The following DNM3 variants were observed in gnomAD, a reference collection of about 807,000 sequenced individuals.
DNM3 encodes the protein dynamin 3, also known as dynamin-3.
In DNM3, 47 loss-of-function variants were observed where a neutral mutation model predicts 101.6. That is an observed-to-expected ratio of 0.46 (90% CI 0.37 to 0.59). The LOEUF (loss-of-function observed/expected upper bound fraction) is 0.59, where lower values mean the gene tolerates loss of function less well. DNM3 is among the 20% of genes least tolerant of loss of function. DNM3 has a pLI of 0.00. For missense variants in DNM3, 849 were observed against 1,085.7 expected, an observed-to-expected ratio of 0.78 and a Z score of 3.06; for synonymous variants, 385 against 387.9, an observed-to-expected ratio of 0.99 and a Z score of 0.09.
chr1:172,374,929 C>A (rs1406910148), intron 17 of DNM3, among the ~76,000 whole-genome samples: 1 of 152,016 alleles, frequency 6.6e-6, no homozygotes, highest in Non-Finnish European at 1.5e-5. Flanking sequence ...TCCCTTAATA[C>A]CCTGATTCTA....
intron 17 of DNM3, among the ~76,000 whole-genome samples, chr1:172,325,245 G>C (rs2148919204): frequency 6.6e-6 from 1 of 152,206 alleles, no homozygotes; most frequent in African/African-American, 2.4e-5. Flanking sequence ...GGCTCTTCAG[G>C]GTCTCCAGCT....
intron 14 of DNM3, among the ~76,000 whole-genome samples, chr1:172,201,850 A>G (rs895090140): frequency 6.6e-6 from 1 of 152,126 alleles, no homozygotes; most frequent in African/African-American, 2.4e-5. Context: ...ATGGGAACGG[A>G]CACCCATGTA....
intron 15 of DNM3, among the ~76,000 whole-genome samples, chr1:172,265,040 T>G (rs1268599215): frequency 6.6e-6 from 1 of 152,202 alleles, no homozygotes; most frequent in Non-Finnish European, 1.5e-5. Flanking sequence ...TGGAATGCTT[T>G]TAGTCTCATT....
chr1:172,274,560 G>C (rs1269285119), intron 15 of DNM3, among the ~76,000 whole-genome samples: 1 of 151,916 alleles, frequency 6.6e-6, no homozygotes, highest in Non-Finnish European at 1.5e-5. Flanking sequence ...GATCTGAGAA[G>C]TGATGAAAGC....
intron 17 of DNM3, among the ~76,000 whole-genome samples, chr1:172,349,914 A>G (rs2067119541): frequency 6.6e-6 from 1 of 152,182 alleles, no homozygotes. Context: ...GGTTAAAAAC[A>G]TAGAAGCACC....
intron 4 of DNM3, among the ~76,000 whole-genome samples, chr1:172,024,430 G>A (rs1348113942): frequency 6.6e-6 from 1 of 152,154 alleles, no homozygotes; most frequent in Non-Finnish European, 1.5e-5. Flanking sequence ...TTATAAGGAG[G>A]TTATATAATG....
chr1:172,251,775 A>G (rs2062179841), intron 14 of DNM3, among the ~76,000 whole-genome samples: 1 of 152,140 alleles, frequency 6.6e-6, no homozygotes, highest in Non-Finnish European at 1.5e-5. Context: ...AAGGTTGAAT[A>G]GGATGGTAGT....
chr1:172,040,603 C>G (rs2049306026), intron 7 of DNM3, among the ~76,000 whole-genome samples: 1 of 151,792 alleles, frequency 6.6e-6, no homozygotes, highest in Non-Finnish European at 1.5e-5. Flanking sequence ...GTAAAGAAAA[C>G]ACACATTCCT....
At chr1:172,343,289 G>A (rs907786593) in intron 17 of DNM3, among the ~76,000 whole-genome samples, 20 of 151,282 alleles carry the variant, frequency 1.3e-4, no homozygotes, top group African/African-American at 2.9e-4. Context: ...TTTTTCTTGC[G>A]ATGTTCTTAG....
chr1:172,374,370 G>A (rs1171322523), intron 17 of DNM3, among the ~76,000 whole-genome samples: 1 of 152,068 alleles, frequency 6.6e-6, no homozygotes, highest in South Asian at 2.1e-4. Flanking sequence ...GGATGTAGGT[G>A]ACAGCTTTAT....
chr1:172,173,743 T>A (rs999387536), intron 14 of DNM3, among the ~76,000 whole-genome samples: 2 of 151,778 alleles, frequency 1.3e-5, no homozygotes, highest in African/African-American at 4.8e-5. Flanking sequence ...AGTTTAGGGT[T>A]AATAGTTGAG....
At chr1:172,370,191 A>G (rs902886381) in intron 17 of DNM3, 1 of 151,874 alleles carries the variant, frequency 6.6e-6, no homozygotes, top group Non-Finnish European at 1.5e-5. Flanking sequence ...TATTAAGGTA[A>G]ATTTCAACAC....
intron 10 of DNM3, among the ~76,000 whole-genome samples, chr1:172,064,584 A>G (rs2051503409): frequency 1.3e-5 from 2 of 152,138 alleles, no homozygotes; most frequent in African/African-American, 2.4e-5. Flanking sequence ...TCAGAAATCA[A>G]TTGAAATGTC....
intron 15 of DNM3, among the ~76,000 whole-genome samples, chr1:172,297,294 A>G (rs1012895807): frequency 2.6e-5 from 4 of 152,008 alleles, no homozygotes; most frequent in Admixed American, 6.5e-5. Context: ...ATTTTTTGCC[A>G]TAGGGTTGCA....
At chr1:172,056,829 A>T (rs891123650) in intron 10 of DNM3, among the ~76,000 whole-genome samples, 35 of 152,254 alleles carry the variant, frequency 2.3e-4, no homozygotes, top group African/African-American at 7.2e-5. Flanking sequence ...CAGCAAAGGA[A>T]CAAAGCTGGA....
chr1:171,865,021 C>A (rs1406115082), intron 1 of DNM3, among the ~76,000 whole-genome samples: 1 of 152,052 alleles, frequency 6.6e-6, no homozygotes, highest in Non-Finnish European at 1.5e-5. Context: ...GACGGAGAGA[C>A]ATTCTTGTAA....
In DNM3 at chr1:172,308,723, T is replaced by C; in HGVS notation, c.1770-5T>C. ...AAGCATGATTTTTTTTTTTTTTAAC[T>C]CCAGGAATGTATACAAAGACTATCG... On this transcript the variant is annotated splice_region_variant and splice_polypyrimidine_tract_variant and intron_variant, in intron 15 of 20. Coordinates refer to ENST00000627582, the MANE Select transcript of DNM3 (RefSeq NM_015569.5). 6.6e-7 allele frequency: 1 copy of C among 1,521,446 alleles called. No homozygotes were observed. The highest frequency in any genetic ancestry group is 8.9e-7 in the Non-Finnish European group (1 of 1,128,922). The allele number at this position is 1,521,446 out of a possible 1,614,324, so 94.2% of individuals were successfully genotyped here. A position where few individuals can be genotyped will look rare whatever the true frequency, so the allele number is the denominator to read the frequency against.
intron 16 of DNM3, among the ~76,000 whole-genome samples, chr1:172,318,571 C>A (rs992669906): frequency 6.6e-6 from 1 of 152,130 alleles, no homozygotes; most frequent in Middle Eastern, 3.2e-3. Flanking sequence ...ACAAAAATCA[C>A]AAGCATTCTT....
At chr1:172,299,918 G>T (rs563480840) in intron 15 of DNM3, among the ~76,000 whole-genome samples, 2 of 152,110 alleles carry the variant, frequency 1.3e-5, no homozygotes, top group African/African-American at 4.8e-5. Flanking sequence ...GGAATTGCTG[G>T]GTCAAATGGT....
Sources: gnomAD v4.1 joint callset for allele counts (sites outside exome capture counted in the v4.1 genomes callset) on GRCh38, gnomAD v4.1.1 for gene constraint, MANE v1.5 for transcripts, NCBI Gene and HGNC (gene_info 2026-07-23, HGNC 2026-07-21) for gene names.